The following ASCC3 variants were observed in gnomAD, a reference collection of about 807,000 sequenced individuals.
The protein encoded by ASCC3 is ASC-1 complex subunit P200.
A neutral mutation model predicts 256.3 loss-of-function variants in ASCC3; 158 were observed. That is an observed-to-expected ratio of 0.62 (90% CI 0.54 to 0.70). ASCC3 has a LOEUF of 0.70. ASCC3 is among the 30% of genes least tolerant of loss of function. ASCC3 has a pLI of 0.00. For missense variants in ASCC3, 2,259 were observed against 2,626.0 expected (o/e 0.86, Z 3.05); for synonymous variants, 948 against 883.4 (o/e 1.07, Z -1.30).
At chr6:100,598,102 C>T (rs1415227162) in intron 34 of ASCC3, among the ~76,000 whole-genome samples, 1 of 151,792 alleles carries the variant, frequency 6.6e-6, no homozygotes, top group Non-Finnish European at 1.5e-5. Context: ...GAGGAGGGTA[C>T]TGCAGGCAAG....
Position 100,638,581 on chromosome 6 carries a change from GT to G in ASCC3, c.4122+19del. The G allele has an allele frequency of 6.4e-7, 1 of 1,557,418 alleles. No individual in the cohort carries two copies. The highest frequency in any genetic ancestry group is 8.8e-7 in the Non-Finnish European group (1 of 1,130,312). The stretch of plus-strand genomic sequence containing the variant: ...AACTGTCTTTTCTAATTAAATGTAA[GT>G]ATGATTCTTTCAACAGACCTTTGAA... On this transcript the variant is annotated intron_variant, in intron 25 of 41. Transcript: ENST00000369162.
intron 30 of ASCC3, among the ~76,000 whole-genome samples, chr6:100,617,427 T>TG (rs1773722845): frequency 6.6e-6 from 1 of 152,190 alleles, no homozygotes; most frequent in African/African-American, 2.4e-5. Flanking sequence ...CCTTGAAATA[T>TG]GGGACCAGAC....
chr6:100,732,145 A>G (rs889996428), intron 10 of ASCC3, among the ~76,000 whole-genome samples: 9 of 146,828 alleles, frequency 6.1e-5, no homozygotes, highest in African/African-American at 2.3e-4. Context: ...TGGGCAACAA[A>G]GCGAGACTCC....
chr6:100,523,837 T>A (rs2114627002), intron 37 of ASCC3, among the ~76,000 whole-genome samples: 1 of 152,288 alleles, frequency 6.6e-6, no homozygotes. Context: ...TGACAACGTA[T>A]CTTCTACATT....
intron 36 of ASCC3, among the ~76,000 whole-genome samples, chr6:100,577,094 GA>G (rs1304062082): frequency 1.3e-4 from 19 of 149,764 alleles, no homozygotes; most frequent in African/African-American, 3.4e-4. Flanking sequence ...AGCTCCAACA[GA>G]AAAAAATTCA....
chr6:100,597,384 AAATT>A (rs1772354481), intron 34 of ASCC3, among the ~76,000 whole-genome samples: 1 of 152,178 alleles, frequency 6.6e-6, no homozygotes, highest in African/African-American at 2.4e-5. Context: ...AGAAATAAAA[AAATT>A]AATTTTTAAA....
intron 37 of ASCC3, among the ~76,000 whole-genome samples, chr6:100,525,027 A>G (rs557991083): frequency 1.1e-4 from 17 of 151,672 alleles, no homozygotes; most frequent in Non-Finnish European, 2.4e-4. Context: ...CCATTAAAAA[A>G]AAATTGCTGG....
At chr6:100,813,202 TC>T (rs1273412736) in intron 4 of ASCC3, among the ~76,000 whole-genome samples, 1 of 152,144 alleles carries the variant, frequency 6.6e-6, no homozygotes, top group Non-Finnish European at 1.5e-5. Context: ...ATGCCTGTAA[TC>T]CCAGCACTTT....
At chr6:100,659,292 C>T (rs534458470) in intron 16 of ASCC3, among the ~76,000 whole-genome samples, 4 of 151,510 alleles carry the variant, frequency 2.6e-5, no homozygotes, top group African/African-American at 9.6e-5. Flanking sequence ...ATTTTATAAA[C>T]CAATTTCACA....
At chr6:100,718,300 C>T (rs1779176063) in intron 11 of ASCC3, 49 bp from the exon 12 acceptor site, 1 of 1,449,164 alleles carries the variant, frequency 6.9e-7, no homozygotes, top group Non-Finnish European at 9.4e-7. Flanking sequence ...TTAATTTAAC[C>T]AAAAAACATT....
chr6:100,802,580 C>T (rs930416878), intron 5 of ASCC3, among the ~76,000 whole-genome samples: 2 of 152,020 alleles, frequency 1.3e-5, no homozygotes, highest in Non-Finnish European at 2.9e-5. Context: ...TTCTAAGAAG[C>T]TATCCTAATA....
chr6:100,610,007 T>G (rs1773312144), intron 30 of ASCC3, among the ~76,000 whole-genome samples: 1 of 152,152 alleles, frequency 6.6e-6, no homozygotes, highest in African/African-American at 2.4e-5. Context: ...ATAAGGAAGT[T>G]CTTTCCGGGA....
intron 10 of ASCC3, among the ~76,000 whole-genome samples, chr6:100,756,397 G>A (rs1328673057): frequency 6.6e-6 from 1 of 151,958 alleles, no homozygotes; most frequent in Non-Finnish European, 1.5e-5. Flanking sequence ...AAGCTTGCAA[G>A]TGCGAGACTT....
intron 3 of ASCC3, among the ~76,000 whole-genome samples, chr6:100,853,444 C>T (rs1772788033): frequency 2.5e-5 from 3 of 121,316 alleles, no homozygotes; most frequent in South Asian, 2.5e-4. Context: ...TTTTTTGAGA[C>T]GGAGTCTTGC....
In ASCC3 at chr6:100,665,592, T is replaced by G. The variant is rs541391273; in HGVS notation, c.2287-3056A>C. On this transcript the variant is annotated intron_variant, in intron 14 of 41. Coordinates refer to ENST00000369162, the MANE Select transcript of ASCC3 (RefSeq NM_006828.4). ...AACAAACAAACAAACAAAAAAAAAA[T>G]AGCCGGGCATGGTGGCATGTGCCTG... is the stretch of plus-strand genomic sequence containing the variant. Among the ~76,000 whole-genome samples the G allele has an allele frequency of 1.1e-3, 161 of 149,916 alleles. 1 individual carries two copies. Among genetic ancestry groups the G allele is most frequent in the African/African-American group, 2.8e-3 (116 of 41,006 alleles).
intron 41 of ASCC3, 136 bp downstream of exon 41, chr6:100,509,796 G>A (rs1773666282): frequency 1.1e-6 from 1 of 889,554 alleles, no homozygotes; most frequent in South Asian, 1.7e-5. Context: ...GCTGAGGCAG[G>A]AGAATGGCGT....
Position 100,835,483 on chromosome 6 carries a change from G to T in ASCC3, c.801+12665C>A, listed in dbSNP as rs534716949. 4.3e-4 allele frequency among the ~76,000 whole-genome samples: 66 copies of T among 152,198 alleles called. 1 individual carries two copies. The South Asian group carries it at 0.012, about 28-fold the overall frequency. ...GATAAAGGTCTAGTTTCAATCTTCT[G>T]CACATGAATATCCAGCTTTTCCAGC... On this transcript the variant is annotated intron_variant, in intron 4 of 41. Transcript: ENST00000369162.
At chr6:100,511,885 A>G (rs1348635441) in intron 40 of ASCC3, among the ~76,000 whole-genome samples, 1 of 152,174 alleles carries the variant, frequency 6.6e-6, no homozygotes, top group Non-Finnish European at 1.5e-5. Context: ...GTGAGAACAG[A>G]AGGGACAATA....
Position 100,767,336 on chromosome 6 carries a change from G to T in ASCC3, c.1405C>A (p.Leu469Met). The T allele has an allele frequency of 6.6e-7, 1 of 1,519,104 alleles. No individual in the cohort carries two copies. 94.1% of individuals were successfully genotyped at this position (1,519,104 alleles called of 1,614,324 possible). Reference protein sequence around the residue: ...YIQDLDEIGQLAFKGMKRLNR... With the variant: ...YIQDLDEIGQMAFKGMKRLNR... Reference sequence around the variant, plus strand: ...AGTCTCTTCATTCCTTTAAAAGCCAGCTGTCCGATCTAAAAAAAAAAGGCA... The same window carrying T: ...AGTCTCTTCATTCCTTTAAAAGCCATCTGTCCGATCTAAAAAAAAAAGGCA... Residue 469 changes from leucine (L) to methionine (M), a missense_variant, in exon 9 of 42, where the codon CTG becomes ATG. Leu to Met is a conservative substitution (Grantham distance 15). This residue lies in a region of ASCC3 where 1,839 missense variants were observed against 2,206.7 expected (regional missense o/e 0.83). Transcript: ENST00000369162.
Sources: gnomAD v4.1 joint callset for allele counts (sites outside exome capture counted in the v4.1 genomes callset) on GRCh38, gnomAD v4.1.1 for gene constraint, gnomAD v4.1.1 regional missense constraint, MANE v1.5 for transcripts, NCBI Gene and HGNC (gene_info 2026-07-23, HGNC 2026-07-21) for gene names.